The following TNR variants were observed in gnomAD, a reference collection of about 807,000 sequenced individuals.
TNR encodes tenascin-R.
In TNR, 45 loss-of-function variants were observed where a neutral mutation model predicts 150.4. That is an observed-to-expected ratio of 0.30 (90% confidence interval 0.24 to 0.38). TNR has a LOEUF of 0.38. Ranked by LOEUF, TNR falls within the 10% of genes least tolerant of loss-of-function variation. The pLI is 1.00. For synonymous variants in TNR, 687 were observed against 678.4 expected (o/e 1.01, Z -0.20); for missense variants, 1,544 against 1,759.1 (o/e 0.88, Z 2.19).
chr1:175,672,065 A>AT (rs1229165510), intron 1 of TNR, among the ~76,000 whole-genome samples: 1 of 152,208 alleles, frequency 6.6e-6, no homozygotes, highest in Non-Finnish European at 1.5e-5. Context: ...AGATGGATGG[A>AT]TAGATTCAAA....
chr1:175,644,251 A>C (rs1664747478), intron 1 of TNR, among the ~76,000 whole-genome samples: 1 of 152,214 alleles, frequency 6.6e-6, no homozygotes, highest in Non-Finnish European at 1.5e-5. Context: ...TCCCTTGGCA[A>C]TGCAGGCTGT....
intron 2 of TNR, among the ~76,000 whole-genome samples, chr1:175,454,091 GGTTGTCTGTCT>G (rs1325136520): frequency 6.6e-6 from 1 of 152,166 alleles, no homozygotes; most frequent in East Asian, 1.9e-4. Flanking sequence ...AAATGGGTCT[GGTTGTCTGTCT>G]GTTGGGGTTG....
At chr1:175,675,675 G>A (rs1472174224) in intron 1 of TNR, among the ~76,000 whole-genome samples, 4 of 152,130 alleles carry the variant, frequency 2.6e-5, no homozygotes, top group Admixed American at 6.5e-5. Flanking sequence ...TTCTGTCTAC[G>A]AGAAAAGTTT....
At chr1:175,536,556 G>A (rs1660294224) in intron 1 of TNR, among the ~76,000 whole-genome samples, 1 of 152,222 alleles carries the variant, frequency 6.6e-6, no homozygotes, top group Non-Finnish European at 1.5e-5. Context: ...CAGGCAGACA[G>A]GATCCAGATG....
chr1:175,371,292 T>C (rs1216304469), intron 9 of TNR, among the ~76,000 whole-genome samples: 3 of 152,246 alleles, frequency 2.0e-5, no homozygotes, highest in Admixed American at 1.3e-4. Context: ...CACTACTCTC[T>C]GTTCCTTATA....
intron 1 of TNR, among the ~76,000 whole-genome samples, chr1:175,720,557 G>A (rs12142429): frequency 0.21 from 32,159 of 152,178 alleles, 3,538 homozygotes; most frequent in Middle Eastern, 0.28. Context: ...GAGTTTACAC[G>A]TAAGTAAAGG....
intron 1 of TNR, among the ~76,000 whole-genome samples, chr1:175,696,216 A>C (rs1240506849): frequency 2.1e-5 from 1 of 46,896 alleles, no homozygotes; most frequent in South Asian, 8.3e-4. Flanking sequence ...GCCTTCCTGT[A>C]GTTTTTTTTT....
In TNR at chr1:175,456,499, T is replaced by C. The variant is rs1656580208; in HGVS notation, c.-63-49722A>G. Among the ~76,000 whole-genome samples, 3 of 152,258 alleles carry C rather than the reference T, an allele frequency of 2.0e-5. 1 individual carries two copies. The South Asian group carries it at 6.2e-4, about 31-fold the overall frequency. On this transcript the variant is annotated intron_variant, in intron 2 of 22. Coordinates refer to ENST00000367674, the MANE Select transcript of TNR (RefSeq NM_003285.3). ...ATCCCTGAATGTCTACAACAATGCT[T>C]GACACTTAGACGGTGCTTAATAAAT...
intron 3 of TNR, among the ~76,000 whole-genome samples, chr1:175,405,663 G>A (rs1284146970): frequency 2.0e-5 from 3 of 151,580 alleles, no homozygotes; most frequent in African/African-American, 7.3e-5. Flanking sequence ...ACGCTTCTGT[G>A]TGCTTTTTGA....
At chr1:175,476,859 A>G (rs891795517) in intron 2 of TNR, among the ~76,000 whole-genome samples, 4 of 152,210 alleles carry the variant, frequency 2.6e-5, no homozygotes, top group Admixed American at 6.5e-5. Context: ...CAGCAAACTC[A>G]TAACTATTGG....
chr1:175,384,270 A>G (rs1157944020), intron 8 of TNR, among the ~76,000 whole-genome samples: 3 of 152,244 alleles, frequency 2.0e-5, no homozygotes, highest in African/African-American at 7.2e-5. Context: ...GTGGGAAATG[A>G]GAAGCTGACC....
intron 1 of TNR, among the ~76,000 whole-genome samples, chr1:175,672,971 C>A (rs1012529160): frequency 6.6e-6 from 1 of 152,160 alleles, no homozygotes; most frequent in Non-Finnish European, 1.5e-5. Flanking sequence ...CAGCGCTGCT[C>A]CAAGGCCTCT....
chr1:175,358,524 T>C (rs1467029175), intron 15 of TNR, among the ~76,000 whole-genome samples: 2 of 152,254 alleles, frequency 1.3e-5, no homozygotes, highest in African/African-American at 4.8e-5. Flanking sequence ...GTTTACTTCT[T>C]TGCAGCTCAC....
chr1:175,593,739 C>A (rs902854858), intron 1 of TNR, among the ~76,000 whole-genome samples: 1 of 152,178 alleles, frequency 6.6e-6, no homozygotes, highest in Non-Finnish European at 1.5e-5. Flanking sequence ...ATTGTCTGCA[C>A]AGAGAAGATG....
rs143073608 is a variant in TNR at position 175,316,489 on chromosome 1, A to G, written c.*6868T>C. ...TTTATAGGATATCTGCATTTGTGCT[A>G]TCCATACTGGTTTGAATACACTAAT... is the stretch of plus-strand genomic sequence containing the variant. On this transcript the variant is annotated 3_prime_UTR_variant, in exon 23 of 23. Transcript: ENST00000367674. 6 of 152,356 alleles carry G rather than the reference A, an allele frequency of 3.9e-5. No homozygotes were observed. In the East Asian group the frequency reaches 1.2e-3, roughly 29 times the overall value. The allele number at this position is 152,356 out of a possible 1,614,324, so 9.4% of individuals were successfully genotyped here. A position where few individuals can be genotyped will look rare whatever the true frequency, so the allele number is the denominator to read the frequency against.
rs1244814708 is a variant in TNR, at chr1:175,406,536, T to C, written c.179A>G (p.Glu60Gly). 6.2e-7 allele frequency: 1 copy of C among 1,614,200 alleles called. No homozygotes were observed. Among genetic ancestry groups the C allele is most frequent in the East Asian group, 2.2e-5 (1 of 44,866 alleles). ...GIANYNTSSKEQPVVFNHVYN... is the reference protein window; with the variant it reads ...GIANYNTSSKGQPVVFNHVYN... ...CACGTGGTTGAAGACCACAGGCTGC[T>C]CTTTGCTGGATGTGTTGTAGTTGGC... Residue 60 changes from glutamate to glycine, a missense_variant, in exon 3 of 23, where the codon GAG becomes GGG. Physicochemically the swap from Glu to Gly is moderately conservative, Grantham distance 98 (BLOSUM62 -2). Coordinates refer to ENST00000367674, the MANE Select transcript of TNR (RefSeq NM_003285.3).
chr1:175,391,039 T>C (rs1386307378), intron 7 of TNR, among the ~76,000 whole-genome samples: 1 of 152,006 alleles, frequency 6.6e-6, no homozygotes, highest in Non-Finnish European at 1.5e-5. Flanking sequence ...ATAAATACAA[T>C]GGAAATATTA....
At chr1:175,658,655 T>C (rs949098838) in intron 1 of TNR, among the ~76,000 whole-genome samples, 2 of 152,222 alleles carry the variant, frequency 1.3e-5, no homozygotes, top group Non-Finnish European at 2.9e-5. Flanking sequence ...CCCTTCTCTC[T>C]TCTTCCAGTC....
chr1:175,730,072 C>T (rs1667594891), intron 1 of TNR, among the ~76,000 whole-genome samples: 1 of 152,224 alleles, frequency 6.6e-6, no homozygotes, highest in Non-Finnish European at 1.5e-5. Flanking sequence ...GAAAGGAAGA[C>T]CAAATTCCAG....
Sources: gnomAD v4.1 joint callset for allele counts (sites outside exome capture counted in the v4.1 genomes callset) on GRCh38, gnomAD v4.1.1 for gene constraint, MANE v1.5 for transcripts, NCBI Gene and HGNC (gene_info 2026-07-23, HGNC 2026-07-21) for gene names.